MNAT1: variants seen among roughly 807,000 people sequenced by gnomAD.
The protein encoded by MNAT1 is CDK-activating kinase assembly factor MAT1.
A neutral mutation model predicts 42.0 loss-of-function variants in MNAT1; 43 were observed. That is an observed-to-expected ratio of 1.02 (90% CI 0.80 to 1.32). The LOEUF is 1.32. Ranked by LOEUF, MNAT1 falls within the 40% of genes most tolerant of loss-of-function variation. The pLI is 0.00. For missense variants in MNAT1, 306 were observed against 350.4 expected (o/e 0.87, Z 1.01); for synonymous variants, 118 against 120.0 (o/e 0.98, Z 0.11).
chr14:60,888,435 A>C (rs558571742), intron 7 of MNAT1, among the ~76,000 whole-genome samples: 4 of 152,120 alleles, frequency 2.6e-5, no homozygotes, highest in African/African-American at 4.8e-5. Flanking sequence ...TTAGGTATTG[A>C]TGGGACATAT....
chr14:60,889,248 A>G (rs1004684624), intron 7 of MNAT1, among the ~76,000 whole-genome samples: 3 of 152,246 alleles, frequency 2.0e-5, no homozygotes, highest in Non-Finnish European at 2.9e-5. Flanking sequence ...GTACCAAAAC[A>G]GAGATATAGA....
intron 3 of MNAT1, among the ~76,000 whole-genome samples, chr14:60,799,730 C>CAT (rs985289355): frequency 2.0e-5 from 3 of 151,160 alleles, no homozygotes; most frequent in African/African-American, 7.3e-5. Context: ...ACACACACTG[C>CAT]ATATATATGT....
At chr14:60,852,427 T>G (rs1038750556) in intron 6 of MNAT1, among the ~76,000 whole-genome samples, 1 of 152,170 alleles carries the variant, frequency 6.6e-6, no homozygotes, top group Non-Finnish European at 1.5e-5. Context: ...TTAAGTTCCT[T>G]ATAGATTCTG....
At chr14:60,926,418 C>T (rs1355014697) in intron 7 of MNAT1, among the ~76,000 whole-genome samples, 1 of 152,212 alleles carries the variant, frequency 6.6e-6, no homozygotes, top group African/African-American at 2.4e-5. Context: ...TGCCAGTCAC[C>T]AGTAGTAGGT....
intron 7 of MNAT1, among the ~76,000 whole-genome samples, chr14:60,965,417 A>G (rs1481452356): frequency 6.6e-6 from 1 of 152,230 alleles, no homozygotes; most frequent in Non-Finnish European, 1.5e-5. Flanking sequence ...AAACATGGCC[A>G]TAAATTAAAA....
intron 7 of MNAT1, among the ~76,000 whole-genome samples, chr14:60,936,102 C>A (rs1008164768): frequency 1.3e-5 from 2 of 152,130 alleles, no homozygotes; most frequent in Admixed American, 1.3e-4. Context: ...CCACCCCGTT[C>A]CCCCAGTGCG....
In MNAT1 at chr14:60,796,205, C is replaced by T; in HGVS notation, c.90-12C>T. Reference sequence around the variant, plus strand: ...TTGGCTTAAATGTTATGTTTTATTTCTGTCCTTACAGCTGTGAAAGTTGTG... The same window carrying T: ...TTGGCTTAAATGTTATGTTTTATTTTTGTCCTTACAGCTGTGAAAGTTGTG... On this transcript the variant is annotated splice_polypyrimidine_tract_variant and intron_variant, in intron 1 of 7. Coordinates refer to ENST00000261245, the MANE Select transcript of MNAT1 (RefSeq NM_002431.4). The T allele has an allele frequency of 1.2e-6, 2 of 1,603,876 alleles. No individual in the cohort carries two copies. Among genetic ancestry groups the T allele is most frequent in the Non-Finnish European group, 1.7e-6 (2 of 1,174,934 alleles).
At chr14:60,873,965 T>C (rs1406934890) in intron 6 of MNAT1, among the ~76,000 whole-genome samples, 1 of 152,166 alleles carries the variant, frequency 6.6e-6, no homozygotes, top group Non-Finnish European at 1.5e-5. Context: ...TAAACTGTGA[T>C]GAACAGACAT....
At chr14:60,852,925 A>G (rs1023893465) in intron 6 of MNAT1, among the ~76,000 whole-genome samples, 11 of 152,206 alleles carry the variant, frequency 7.2e-5, no homozygotes, top group Admixed American at 6.5e-5. Flanking sequence ...TGTTAACAGT[A>G]TCATGCTGTT....
At chr14:60,767,180 A>C (rs902364480) in intron 1 of MNAT1, among the ~76,000 whole-genome samples, 7 of 152,228 alleles carry the variant, frequency 4.6e-5, no homozygotes, top group African/African-American at 1.7e-4. Flanking sequence ...ATATAAACCT[A>C]AACTACATTC....
chr14:60,859,128 G>T (rs541747148), intron 6 of MNAT1, among the ~76,000 whole-genome samples: 1 of 152,170 alleles, frequency 6.6e-6, no homozygotes, highest in Non-Finnish European at 1.5e-5. Flanking sequence ...TAGATACATT[G>T]AATTTTGTCC....
chr14:60,806,181 A>G (rs1022851971), intron 3 of MNAT1, among the ~76,000 whole-genome samples: 1 of 152,212 alleles, frequency 6.6e-6, no homozygotes, highest in Non-Finnish European at 1.5e-5. Flanking sequence ...GAAAATAATT[A>G]TACAGGGTAG....
chr14:60,818,950 A>T (rs2032799927), intron 6 of MNAT1, 103 bp downstream of exon 6: 1 of 1,318,780 alleles, frequency 7.6e-7, no homozygotes. Flanking sequence ...CAGATGTTTA[A>T]GAACAGTGTC....
intron 7 of MNAT1, among the ~76,000 whole-genome samples, chr14:60,915,527 A>G (rs1282417732): frequency 3.3e-5 from 5 of 152,170 alleles, no homozygotes; most frequent in Admixed American, 2.6e-4. Context: ...ATCAAACCCT[A>G]AAATCTACCC....
intron 6 of MNAT1, among the ~76,000 whole-genome samples, chr14:60,865,933 T>G (rs993469369): frequency 1.3e-5 from 2 of 152,206 alleles, no homozygotes; most frequent in Admixed American, 1.3e-4. Context: ...ACGCTCTTTC[T>G]TCCCCTCCAT....
intron 6 of MNAT1, among the ~76,000 whole-genome samples, chr14:60,878,218 G>A (rs774029580): frequency 2.6e-5 from 4 of 152,028 alleles, no homozygotes; most frequent in Non-Finnish European, 5.9e-5. Flanking sequence ...ATAAACTTTA[G>A]TTCTCAATAT....
intron 3 of MNAT1, among the ~76,000 whole-genome samples, chr14:60,803,784 A>C (rs536764613): frequency 5.0e-4 from 76 of 152,316 alleles, no homozygotes; most frequent in African/African-American, 1.8e-3. Context: ...ATTTTGTTGT[A>C]TAAATTTCAT....
intron 7 of MNAT1, among the ~76,000 whole-genome samples, chr14:60,956,681 G>A (rs1007720999): frequency 6.6e-6 from 1 of 152,132 alleles, no homozygotes; most frequent in Non-Finnish European, 1.5e-5. Context: ...TAGGTGCTCT[G>A]ACTTCGGTTC....
chr14:60,815,238 A>T (rs1225938324), intron 5 of MNAT1, among the ~76,000 whole-genome samples: 5 of 149,384 alleles, frequency 3.3e-5, no homozygotes, highest in African/African-American at 9.9e-5. Context: ...TTTTTTTGAG[A>T]TGGAGTCTTG....
Sources: gnomAD v4.1 joint callset for allele counts (sites outside exome capture counted in the v4.1 genomes callset) on GRCh38, gnomAD v4.1.1 for gene constraint, MANE v1.5 for transcripts, NCBI Gene and HGNC (gene_info 2026-07-23, HGNC 2026-07-21) for gene names.